ERC1: variants seen among roughly 807,000 people sequenced by gnomAD.
ERC1 encodes ELKS/RAB6-interacting/CAST family member 1.
In ERC1, 56 loss-of-function variants were observed where a neutral mutation model predicts 132.0. The ratio of observed to expected loss-of-function variants is 0.42; its 90% CI spans 0.34 to 0.53. The LOEUF (loss-of-function observed/expected upper bound fraction) is 0.53. Ranked by LOEUF, ERC1 falls within the 20% of genes least tolerant of loss-of-function variation. The pLI is 0.03. For missense variants in ERC1, 1,202 were observed against 1,349.9 expected, an observed-to-expected ratio of 0.89 and a Z score of 1.72; for synonymous variants, 478 against 476.1, an observed-to-expected ratio of 1.00 and a Z score of -0.05.
intron 15 of ERC1, among the ~76,000 whole-genome samples, chr12:1,326,143 C>T (rs1413499932): frequency 6.6e-6 from 1 of 152,068 alleles, no homozygotes; most frequent in East Asian, 1.9e-4. Context: ...ATCTTTGAAT[C>T]TTTATTTTCC....
intron 16 of ERC1, among the ~76,000 whole-genome samples, chr12:1,377,031 A>G (rs2088016179): frequency 6.6e-6 from 1 of 152,172 alleles, no homozygotes; most frequent in Non-Finnish European, 1.5e-5. Flanking sequence ...ATTTTCATAC[A>G]GTAGTTTTCT....
At chr12:1,315,896 CAT>C (rs1491588374) in intron 15 of ERC1, among the ~76,000 whole-genome samples, 6 of 151,342 alleles carry the variant, frequency 4.0e-5, no homozygotes, top group African/African-American at 1.5e-4. Flanking sequence ...AAATGGTAAA[CAT>C]TTTTTTTTTT....
chr12:1,229,101 A>T (rs2074828431), intron 12 of ERC1, among the ~76,000 whole-genome samples: 1 of 152,134 alleles, frequency 6.6e-6, no homozygotes, highest in African/African-American at 2.4e-5. Context: ...GCTTGTGCTT[A>T]AGTGTTTGGT....
chr12:1,222,411 A>G (rs938929485), intron 12 of ERC1, among the ~76,000 whole-genome samples: 1 of 151,876 alleles, frequency 6.6e-6, no homozygotes, highest in Non-Finnish European at 1.5e-5. Flanking sequence ...TTTTTGGCAG[A>G]TACGGGGTTT....
At chr12:1,339,090 G>A (rs2083566186) in intron 15 of ERC1, among the ~76,000 whole-genome samples, 1 of 152,190 alleles carries the variant, frequency 6.6e-6, no homozygotes, top group African/African-American at 2.4e-5. Flanking sequence ...GGTGCTAGCA[G>A]GTGCCAGGGT....
chr12:1,488,909 C>T (rs375461856), intron 18 of ERC1, among the ~76,000 whole-genome samples: 1 of 152,182 alleles, frequency 6.6e-6, no homozygotes, highest in Non-Finnish European at 1.5e-5. Context: ...CCTTGCCTAA[C>T]CCCCACCTGG....
intron 8 of ERC1, 99 bp from the exon 9 acceptor site, chr12:1,180,441 A>G: frequency 9.2e-7 from 1 of 1,084,068 alleles, no homozygotes; most frequent in Non-Finnish European, 1.3e-6. Flanking sequence ...CACACAGACA[A>G]CCCTGAGCTA....
chr12:1,393,015 T>C (rs993856839), intron 16 of ERC1, among the ~76,000 whole-genome samples: 3 of 152,226 alleles, frequency 2.0e-5, no homozygotes, highest in African/African-American at 7.2e-5. Flanking sequence ...AAAATGGTAT[T>C]GGAGAGTTTG....
chr12:1,205,775 A>G (rs1173375612), intron 12 of ERC1, among the ~76,000 whole-genome samples: 1 of 152,128 alleles, frequency 6.6e-6, no homozygotes, highest in African/African-American at 2.4e-5. Context: ...TAAAAATTTC[A>G]TGAAGTGTTT....
chr12:1,395,876 A>G (rs1389574649), intron 16 of ERC1, among the ~76,000 whole-genome samples: 2 of 152,210 alleles, frequency 1.3e-5, no homozygotes, highest in African/African-American at 2.4e-5. Context: ...GCTTAATTCC[A>G]TAAATGGTGA....
chr12:1,407,277 T>TTATATA (rs138176477), intron 16 of ERC1, among the ~76,000 whole-genome samples: 5 of 150,792 alleles, frequency 3.3e-5, no homozygotes, highest in African/African-American at 7.3e-5. Flanking sequence ...GAAAAGCTAT[T>TTATATA]TATATATATA....
intron 16 of ERC1, among the ~76,000 whole-genome samples, chr12:1,399,936 G>A (rs1429594398): frequency 6.6e-6 from 1 of 152,176 alleles, no homozygotes; most frequent in South Asian, 2.1e-4. Context: ...TATGGTAATT[G>A]TATGTTTGCC....
chr12:1,432,569 C>T (rs2092828516), intron 17 of ERC1, among the ~76,000 whole-genome samples: 1 of 152,210 alleles, frequency 6.6e-6, no homozygotes, highest in Non-Finnish European at 1.5e-5. Flanking sequence ...TCCCAGTTTA[C>T]AGATGACAAA....
At chr12:1,024,460 A>G (rs1437855791) in intron 1 of ERC1, among the ~76,000 whole-genome samples, 1 of 152,118 alleles carries the variant, frequency 6.6e-6, no homozygotes, top group Non-Finnish European at 1.5e-5. Context: ...TGTTATTTCA[A>G]ACCACCTGTG....
intron 1 of ERC1, among the ~76,000 whole-genome samples, chr12:1,018,573 A>G (rs1343922073): frequency 1.3e-5 from 2 of 152,252 alleles, no homozygotes; most frequent in African/African-American, 4.8e-5. Context: ...ACTTGAGGAA[A>G]ATGTTAAAAA....
chr12:1,000,752 T>G (rs908026952), intron 1 of ERC1, among the ~76,000 whole-genome samples: 1 of 151,960 alleles, frequency 6.6e-6, no homozygotes, highest in African/African-American at 2.4e-5. Flanking sequence ...CAGAGCAAGA[T>G]TCTGTCTTAA....
At chr12:1,060,785 G>A (rs1313832804) in intron 2 of ERC1, among the ~76,000 whole-genome samples, 6 of 149,956 alleles carry the variant, frequency 4.0e-5, no homozygotes, top group African/African-American at 1.5e-4. Context: ...GAGTGCAGTG[G>A]TGCGATCTCG....
At chr12:1,130,505 G>A (rs1052405224) in intron 7 of ERC1, among the ~76,000 whole-genome samples, 1 of 152,142 alleles carries the variant, frequency 6.6e-6, no homozygotes. Context: ...TACCTGAATA[G>A]CACTTATTGC....
intron 16 of ERC1, among the ~76,000 whole-genome samples, chr12:1,383,802 A>G (rs1032708974): frequency 1.3e-5 from 2 of 152,248 alleles, no homozygotes; most frequent in African/African-American, 4.8e-5. Flanking sequence ...TATTCACGCC[A>G]TTAGTCATCT....
Sources: allele counts gnomAD v4.1 joint callset (sites outside exome capture counted in the v4.1 genomes callset), GRCh38; gene constraint gnomAD v4.1.1; transcripts MANE v1.5; gene names NCBI Gene and HGNC (gene_info 2026-07-23, HGNC 2026-07-21).